Variants in IGSF21 observed in about 807,000 individuals in gnomAD.
IGSF21 encodes the protein immunoglobin superfamily member 21.
A neutral mutation model predicts 46.8 loss-of-function variants in IGSF21; 28 were observed. The observed-to-expected ratio is 0.60, with a 90% CI of 0.44 to 0.82. The LOEUF (loss-of-function observed/expected upper bound fraction) is 0.82, where lower values mean the gene tolerates loss of function less well. Ranked by LOEUF, IGSF21 falls within the 40% of genes least tolerant of loss-of-function variation. The pLI, the probability that IGSF21 is intolerant of heterozygous loss-of-function variation, is 0.00. For synonymous variants in IGSF21, 284 were observed against 273.6 expected, an observed-to-expected ratio of 1.04 and a Z score of -0.38; for missense variants, 624 against 665.5, an observed-to-expected ratio of 0.94 and a Z score of 0.69.
intron 2 of IGSF21, among the ~76,000 whole-genome samples, chr1:18,288,504 C>T (rs2085236540): frequency 6.6e-6 from 1 of 152,212 alleles, no homozygotes; most frequent in Non-Finnish European, 1.5e-5. Context: ...CGTGAGGCTG[C>T]AACTGCCCCT....
At chr1:18,350,896 TAGGGGCTCTGCA>T (rs1301749050) in intron 4 of IGSF21, among the ~76,000 whole-genome samples, 7 of 150,692 alleles carry the variant, frequency 4.6e-5, no homozygotes, top group African/African-American at 1.7e-4. Context: ...CGGTGGGGGG[TAGGGGCTCTGCA>T]GGGAGATCGG....
In IGSF21 at chr1:18,376,978, G is replaced by C. The variant is rs1209934271; in HGVS notation, c.1280G>C (p.Arg427Pro). ...CTGGGCTCCACCGACACGCACACCC[G>C]GCTCATCGTGTTTGGTATGGCGCGC... ...NPLGSTDTHT[R>P]LIVFENPNIP... The change falls in exon 8 of 10, where the codon CGG becomes CCG. Residue 427 changes from arginine to proline, a missense_variant. Physicochemically the swap from Arg to Pro is moderately radical, Grantham distance 103 (BLOSUM62 -2). Coordinates refer to ENST00000251296, the MANE Select transcript of IGSF21 (RefSeq NM_032880.5). 7.5e-6 allele frequency: 12 copies of C among 1,593,136 alleles called. No individual in the cohort carries two copies. The highest frequency in any genetic ancestry group is 9.5e-6 in the Non-Finnish European group (11 of 1,163,800).
chr1:18,273,509 T>TTTCTTTCTTTCTTTCC lies in IGSF21; in HGVS notation c.184-18346_184-18345insTTTCCTTCTTTCTTTC, dbSNP rs1298588613. Among the ~76,000 whole-genome samples the TTTCTTTCTTTCTTTCC allele has an allele frequency of 2.3e-4, 24 of 105,822 alleles. 1 individual carries two copies. Among genetic ancestry groups the TTTCTTTCTTTCTTTCC allele is most frequent in the African/African-American group, 8.8e-4 (21 of 23,916 alleles). The allele number at this position is 105,822 out of a possible 152,430, so 69.4% of individuals were successfully genotyped here. A position where few individuals can be genotyped will look rare whatever the true frequency, so the allele number is the denominator to read the frequency against. ...CTTTCTTTCTTTCTTTCTTTCTTTCTTTCTTTCTTTCGTCTTTCTTTACTT... is the reference window on the plus strand; with the variant it reads ...CTTTCTTTCTTTCTTTCTTTCTTTCTTTCTTTCTTTCTTTCCTTCTTTCTTTCGTCTTTCTTTACTT... On this transcript the variant is annotated intron_variant, in intron 2 of 9. Coordinates refer to ENST00000251296, the MANE Select transcript of IGSF21 (RefSeq NM_032880.5).
intron 1 of IGSF21, among the ~76,000 whole-genome samples, chr1:18,226,104 G>A (rs1329603405): frequency 3.9e-5 from 6 of 152,222 alleles, no homozygotes; most frequent in Admixed American, 6.5e-5. Context: ...TTACACTCAG[G>A]CTTGGCTTGC....
intron 4 of IGSF21, among the ~76,000 whole-genome samples, chr1:18,353,450 G>A (rs1557656887): frequency 6.6e-6 from 1 of 152,054 alleles, no homozygotes; most frequent in African/African-American, 2.4e-5. Flanking sequence ...TCTTGGGTGC[G>A]GCCGCAGGTA....
intron 2 of IGSF21, among the ~76,000 whole-genome samples, chr1:18,238,907 C>G (rs11260965): frequency 0.2 from 30,628 of 152,108 alleles, 7,053 homozygotes; most frequent in African/African-American, 0.54. Flanking sequence ...GAGATGGTCT[C>G]TAAGGAATAT....
intron 3 of IGSF21, among the ~76,000 whole-genome samples, chr1:18,311,671 T>G (rs1382041282): frequency 6.6e-6 from 1 of 152,140 alleles, no homozygotes; most frequent in Non-Finnish European, 1.5e-5. Context: ...GACTCACAGT[T>G]CCACATGGCT....
At chr1:18,274,493 A>G (rs895408083) in intron 2 of IGSF21, among the ~76,000 whole-genome samples, 1 of 152,280 alleles carries the variant, frequency 6.6e-6, no homozygotes, top group Admixed American at 6.5e-5. Flanking sequence ...CCATTGGCCA[A>G]ATCTGGCCAT....
At chr1:18,347,731 A>G (rs1253182317) in intron 4 of IGSF21, among the ~76,000 whole-genome samples, 1 of 152,172 alleles carries the variant, frequency 6.6e-6, no homozygotes, top group Admixed American at 6.5e-5. Context: ...GTCAAGCAGC[A>G]CACAGTTTTT....
intron 1 of IGSF21, among the ~76,000 whole-genome samples, chr1:18,193,014 G>A (rs944488803): frequency 1.3e-5 from 2 of 151,964 alleles, no homozygotes; most frequent in Non-Finnish European, 2.9e-5. Context: ...ATGGGCAGCA[G>A]GTAGCAACCC....
intron 3 of IGSF21, among the ~76,000 whole-genome samples, chr1:18,323,907 A>G (rs1435933706): frequency 2.6e-5 from 4 of 152,140 alleles, no homozygotes; most frequent in Non-Finnish European, 5.9e-5. Context: ...GCGAAAACAC[A>G]TAAGGAGGAA....
intron 1 of IGSF21, among the ~76,000 whole-genome samples, chr1:18,210,160 G>A (rs1166419850): frequency 6.6e-6 from 1 of 152,122 alleles, no homozygotes; most frequent in African/African-American, 2.4e-5. Flanking sequence ...TGCATTTAAT[G>A]AAGTATTAAT....
At position 18,334,976 on chromosome 1, in the gene IGSF21, C is replaced by T. The variant is rs771553109; in HGVS notation, c.390C>T (p.Val130=). ...IYDRATREKV[V]LASGNIFLNV... ...ACCGCGCCACCAGGGAGAAGGTGGT[C>T]CTGGCATCAGGCAACATCTTCCTCA... is the stretch of plus-strand genomic sequence containing the variant. The change falls in exon 4 of 10, where the codon GTC becomes GTT. Residue 130 remains valine (V), a synonymous_variant. Coordinates refer to ENST00000251296, the MANE Select transcript of IGSF21 (RefSeq NM_032880.5). This position sits in a 1 kb window ranked among gnomAD's most constrained non-coding sequence, Gnocchi z 4.3. 1 of 1,614,116 alleles carries T rather than the reference C, an allele frequency of 6.2e-7. No homozygotes were observed. Among genetic ancestry groups the T allele is most frequent in the Non-Finnish European group, 8.5e-7 (1 of 1,179,978 alleles).
intron 3 of IGSF21, among the ~76,000 whole-genome samples, chr1:18,302,863 C>T (rs1045366417): frequency 8.5e-5 from 13 of 152,182 alleles, no homozygotes; most frequent in Admixed American, 7.9e-4. Flanking sequence ...GCATCCACAG[C>T]TGCCACTGAG....
chr1:18,154,192 C>T (rs981315061), intron 1 of IGSF21, among the ~76,000 whole-genome samples: 30 of 152,270 alleles, frequency 2.0e-4, no homozygotes, highest in African/African-American at 6.7e-4. Flanking sequence ...CTGATGCGCT[C>T]ATTTGCTTCG....
intron 1 of IGSF21, among the ~76,000 whole-genome samples, chr1:18,150,002 C>T (rs1391786193): frequency 6.6e-6 from 1 of 151,982 alleles, no homozygotes; most frequent in Admixed American, 6.6e-5. Context: ...GCCTATAATC[C>T]CAGCACTTTG....
At chr1:18,229,878 T>C (rs1253368301) in intron 2 of IGSF21, among the ~76,000 whole-genome samples, 1 of 152,110 alleles carries the variant, frequency 6.6e-6, no homozygotes, top group Non-Finnish European at 1.5e-5. Context: ...TGGGACCACA[T>C]CTCTCCCTCA....
chr1:18,305,532 AATGG>A (rs2085415737), intron 3 of IGSF21, among the ~76,000 whole-genome samples: 1 of 50,516 alleles, frequency 2.0e-5, no homozygotes, highest in African/African-American at 4.7e-5. Context: ...ATGGATTATG[AATGG>A]ATGGATGGAT....
chr1:18,314,232 C>A (rs72655185), intron 3 of IGSF21, among the ~76,000 whole-genome samples: 1 of 152,070 alleles, frequency 6.6e-6, no homozygotes, highest in African/African-American at 2.4e-5. Flanking sequence ...ACTGAAACCA[C>A]CTTGATAAAC....
Sources: allele counts gnomAD v4.1 joint callset (sites outside exome capture counted in the v4.1 genomes callset), GRCh38; gene constraint gnomAD v4.1.1; non-coding constraint Gnocchi (gnomAD v3.1); transcripts MANE v1.5; gene names NCBI Gene and HGNC (gene_info 2026-07-23, HGNC 2026-07-21).